CNTNAP4: variants seen among roughly 807,000 people sequenced by gnomAD.
CNTNAP4 encodes contactin associated protein family member 4.
In CNTNAP4, 98 loss-of-function variants were observed where a neutral mutation model predicts 148.4. That is an observed-to-expected ratio of 0.66 (90% CI 0.56 to 0.78). CNTNAP4 has a LOEUF of 0.78. Ranked by LOEUF, CNTNAP4 falls within the 30% of genes least tolerant of loss-of-function variation. The pLI, the probability that CNTNAP4 is intolerant of heterozygous loss-of-function variation, is 0.00. For synonymous variants in CNTNAP4, 730 were observed against 565.1 expected, an observed-to-expected ratio of 1.29 and a Z score of -4.14; for missense variants, 1,935 against 1,565.6, an observed-to-expected ratio of 1.24 and a Z score of -3.98.
rs764112699 is a variant in CNTNAP4 at position 76,461,920 on chromosome 16, A to G, written c.1334-36A>G. 3.1e-6 allele frequency: 5 copies of G among 1,602,156 alleles called. No homozygotes were observed. The South Asian group carries it at 3.3e-5, about 11-fold the overall frequency. On this transcript the variant is annotated intron_variant, in intron 8 of 23. Transcript: ENST00000611870. ...TAACCAACTCCTTATAGTGTTCACT[A>G]TTGAGAGCGATCTCTAACTGATTTC...
intron 17 of CNTNAP4, among the ~76,000 whole-genome samples, chr16:76,530,288 T>A (rs2083920897): frequency 6.6e-6 from 1 of 152,154 alleles, no homozygotes; most frequent in Non-Finnish European, 1.5e-5. Context: ...AGGTTTGAAT[T>A]CAGTACAATA....
intron 3 of CNTNAP4, among the ~76,000 whole-genome samples, chr16:76,419,364 T>C (rs919199527): frequency 3.9e-5 from 6 of 152,020 alleles, no homozygotes; most frequent in Non-Finnish European, 8.8e-5. Context: ...ACCCTGAGCA[T>C]ACTTCACAGT....
At chr16:76,362,995 A>C (rs2013625829) in intron 3 of CNTNAP4, among the ~76,000 whole-genome samples, 1 of 151,976 alleles carries the variant, frequency 6.6e-6, no homozygotes, top group African/African-American at 2.4e-5. Flanking sequence ...AGGAGGAGGA[A>C]GTATCATTTG....
In CNTNAP4 at chr16:76,434,581, G is replaced by T. The variant is rs189007600; in HGVS notation, c.538+6982G>T. On this transcript the variant is annotated intron_variant, in intron 4 of 23. Coordinates refer to ENST00000611870, the MANE Select transcript of CNTNAP4 (RefSeq NM_033401.5). Reference sequence around the variant, plus strand: ...CCAAATGGGAGAGTTGAATGGGGATGTGGTGGGAATCACCACCCCTGCATC... The same window carrying T: ...CCAAATGGGAGAGTTGAATGGGGATTTGGTGGGAATCACCACCCCTGCATC... 2.8e-4 allele frequency among the ~76,000 whole-genome samples: 42 copies of T among 152,318 alleles called. No homozygotes were observed. The East Asian group carries it at 7.9e-3, about 29-fold the overall frequency.
intron 15 of CNTNAP4, among the ~76,000 whole-genome samples, chr16:76,518,214 G>A (rs1269593539): frequency 1.3e-5 from 2 of 152,046 alleles, no homozygotes; most frequent in African/African-American, 4.8e-5. Context: ...TGCAACCTCA[G>A]CCTCCCAGGC....
At chr16:76,482,301 G>A (rs572072357) in intron 12 of CNTNAP4, among the ~76,000 whole-genome samples, 4 of 152,280 alleles carry the variant, frequency 2.6e-5, no homozygotes, top group African/African-American at 9.6e-5. Flanking sequence ...TAGCTATGAG[G>A]TGTGAGAAAA....
chr16:76,480,344 C>A (rs571970307), intron 12 of CNTNAP4, among the ~76,000 whole-genome samples: 2 of 152,070 alleles, frequency 1.3e-5, no homozygotes, highest in Middle Eastern at 6.8e-3. Context: ...ATCATATTTT[C>A]AATAGCATAA....
intron 12 of CNTNAP4, among the ~76,000 whole-genome samples, chr16:76,489,029 C>T (rs1040797108): frequency 2.0e-5 from 3 of 152,078 alleles, no homozygotes; most frequent in Non-Finnish European, 4.4e-5. Context: ...CTGTCCAGAT[C>T]ACATGATATC....
At chr16:76,465,648 A>G (rs2081149426) in intron 9 of CNTNAP4, among the ~76,000 whole-genome samples, 1 of 152,182 alleles carries the variant, frequency 6.6e-6, no homozygotes, top group Non-Finnish European at 1.5e-5. Flanking sequence ...TTTTACCCTA[A>G]CATTCTTAAT....
intron 9 of CNTNAP4, among the ~76,000 whole-genome samples, chr16:76,462,636 C>G (rs934680993): frequency 6.6e-6 from 1 of 152,172 alleles, no homozygotes; most frequent in East Asian, 1.9e-4. Flanking sequence ...ACCAGCTCAT[C>G]TCCCTTAGAG....
intron 3 of CNTNAP4, among the ~76,000 whole-genome samples, chr16:76,368,664 G>T (rs955881483): frequency 5.3e-5 from 8 of 152,008 alleles, no homozygotes; most frequent in Admixed American, 5.2e-4. Flanking sequence ...ACACACCGGG[G>T]CCTGTTGTGG....
At chr16:76,420,391 A>G (rs918771945) in intron 3 of CNTNAP4, among the ~76,000 whole-genome samples, 1 of 151,980 alleles carries the variant, frequency 6.6e-6, no homozygotes, top group Non-Finnish European at 1.5e-5. Context: ...CTAGAAGGCT[A>G]TCTTTCTGCA....
chr16:76,522,337 A>T, intron 17 of CNTNAP4, 80 bp downstream of exon 17: 1 of 1,126,186 alleles, frequency 8.9e-7, no homozygotes, highest in East Asian at 2.5e-5. Flanking sequence ...TACCAACTAT[A>T]GAAACAAGGA....
chr16:76,374,766 T>TTAG (rs1567908893), intron 3 of CNTNAP4, among the ~76,000 whole-genome samples: 7 of 145,766 alleles, frequency 4.8e-5, no homozygotes, highest in East Asian at 2.0e-4. Context: ...ATTATTATTA[T>TTAG]TATTATTATT....
At chr16:76,490,425 A>G (rs368484098) in intron 13 of CNTNAP4, among the ~76,000 whole-genome samples, 1 of 152,156 alleles carries the variant, frequency 6.6e-6, no homozygotes, top group Admixed American at 6.5e-5. Context: ...TGCTGTGAAT[A>G]ACCAGTCTGC....
intron 14 of CNTNAP4, among the ~76,000 whole-genome samples, chr16:76,496,085 T>TGTGTGTGTG (rs1555576716): frequency 4.3e-5 from 6 of 140,036 alleles, no homozygotes; most frequent in East Asian, 2.1e-4. Flanking sequence ...CAAGATTATG[T>TGTGTGTGTG]TGTGTGTGTG....
chr16:76,320,647 T>C (rs28690693), intron 2 of CNTNAP4, among the ~76,000 whole-genome samples: 1 of 152,166 alleles, frequency 6.6e-6, no homozygotes. Flanking sequence ...TAAAGTTAAG[T>C]GTACATTGAC....
chr16:76,357,947 G>A (rs1001923346), intron 3 of CNTNAP4, among the ~76,000 whole-genome samples: 1 of 152,078 alleles, frequency 6.6e-6, no homozygotes, highest in Non-Finnish European at 1.5e-5. Flanking sequence ...ATAGGTGAAA[G>A]GACCAATAAA....
At chr16:76,490,730 C>T (rs1409533179) in intron 13 of CNTNAP4, among the ~76,000 whole-genome samples, 1 of 152,178 alleles carries the variant, frequency 6.6e-6, no homozygotes, top group African/African-American at 2.4e-5. Flanking sequence ...GTCTGTCCAA[C>T]ACAGCCTCTT....
Sources: allele counts gnomAD v4.1 joint callset (sites outside exome capture counted in the v4.1 genomes callset), GRCh38; gene constraint gnomAD v4.1.1; transcripts MANE v1.5; gene names NCBI Gene and HGNC (gene_info 2026-07-23, HGNC 2026-07-21).